STK3: variants seen among roughly 807,000 people sequenced by gnomAD.
STK3 encodes serine/threonine kinase 3.
In STK3, 41 loss-of-function variants were observed where a neutral mutation model predicts 58.0. The observed-to-expected ratio is 0.71, with a 90% CI of 0.55 to 0.92. The LOEUF (loss-of-function observed/expected upper bound fraction) is 0.92, where lower values mean the gene tolerates loss of function less well. STK3 is among the 40% of genes least tolerant of loss of function. The pLI is 0.00. For synonymous variants in STK3, 170 were observed against 191.0 expected (o/e 0.89, Z 0.91); for missense variants, 479 against 602.7 (o/e 0.79, Z 2.15).
rs145488141 is a variant in STK3 at position 98,569,181 on chromosome 8, C to CCAAT, written c.948+10479_948+10482dup. On this transcript the variant is annotated intron_variant, in intron 8 of 10. Coordinates refer to ENST00000419617, the MANE Select transcript of STK3 (RefSeq NM_006281.4). ...TTATTTTCAATCCAAAATTTTACACCCAATCAATCAATCAATCAATTAAGG... is the reference window on the plus strand; with the variant it reads ...TTATTTTCAATCCAAAATTTTACACCCAATCAATCAATCAATCAATCAATTAAGG... 1.5e-4 allele frequency among the ~76,000 whole-genome samples: 23 copies of CCAAT among 151,610 alleles called. No individual in the cohort carries two copies. In the East Asian group the frequency reaches 2.9e-3, roughly 19 times the overall value.
At chr8:98,509,861 T>C (rs1824369092) in intron 10 of STK3, among the ~76,000 whole-genome samples, 1 of 152,026 alleles carries the variant, frequency 6.6e-6, no homozygotes, top group Non-Finnish European at 1.5e-5. Flanking sequence ...AATCTAATAC[T>C]TTTCTAAAAC....
At chr8:98,714,461 A>C (rs1204298639) in intron 4 of STK3, among the ~76,000 whole-genome samples, 1 of 152,206 alleles carries the variant, frequency 6.6e-6, no homozygotes, top group Non-Finnish European at 1.5e-5. Flanking sequence ...AATGTGCAAA[A>C]ATCATAAGCA....
intron 4 of STK3, among the ~76,000 whole-genome samples, chr8:98,734,932 A>T (rs1414221043): frequency 6.6e-6 from 1 of 152,162 alleles, no homozygotes; most frequent in Non-Finnish European, 1.5e-5. Context: ...ACACATTTTT[A>T]AAATTAAGCA....
chr8:98,612,095 T>C (rs1817243838), intron 6 of STK3, among the ~76,000 whole-genome samples: 1 of 149,764 alleles, frequency 6.7e-6, no homozygotes, highest in Non-Finnish European at 1.5e-5. Context: ...TATGTGTATG[T>C]ATGTCACTAT....
chr8:98,670,571 G>A (rs1822752095), intron 6 of STK3, among the ~76,000 whole-genome samples: 1 of 152,180 alleles, frequency 6.6e-6, no homozygotes, highest in Non-Finnish European at 1.5e-5. Flanking sequence ...CCACCTTCAA[G>A]TCAAAAACAG....
chr8:98,347,371 C>T, the STK3 span, among the ~76,000 whole-genome samples: 8 of 151,616 alleles, frequency 5.3e-5, no homozygotes, highest in African/African-American at 1.9e-4. Context: ...AAAAATTAGC[C>T]GGGCGTGATG....
intron 3 of STK3, among the ~76,000 whole-genome samples, chr8:98,754,076 G>A (rs573322897): frequency 3.9e-5 from 6 of 152,216 alleles, no homozygotes; most frequent in African/African-American, 7.2e-5. Context: ...CTTGTTACCC[G>A]TATCTCTGAT....
intron 3 of STK3, among the ~76,000 whole-genome samples, chr8:98,864,225 G>C (rs79469305): frequency 9.2e-6 from 1 of 109,122 alleles, no homozygotes; most frequent in South Asian, 2.9e-4. Context: ...AAAAAAAAAA[G>C]TCTCAATCAG....
intron 4 of STK3, among the ~76,000 whole-genome samples, chr8:98,735,669 T>C (rs1422276544): frequency 6.6e-6 from 1 of 152,182 alleles, no homozygotes; most frequent in Non-Finnish European, 1.5e-5. Context: ...CTAATTCTAG[T>C]ACCACTACCA....
chr8:98,743,604 A>C (rs1829406583), intron 4 of STK3, among the ~76,000 whole-genome samples: 1 of 152,226 alleles, frequency 6.6e-6, no homozygotes, highest in Non-Finnish European at 1.5e-5. Context: ...TTAAAGACTT[A>C]AACGTTAGAC....
chr8:98,909,123 T>C (rs1018098378), intron 1 of STK3, among the ~76,000 whole-genome samples: 7 of 152,192 alleles, frequency 4.6e-5, no homozygotes, highest in Admixed American at 2.6e-4. Context: ...ATCACGCCAC[T>C]GCACTCTAGC....
intron 10 of STK3, among the ~76,000 whole-genome samples, chr8:98,511,755 C>T (rs1824533506): frequency 1.3e-5 from 2 of 152,068 alleles, no homozygotes; most frequent in South Asian, 4.2e-4. Flanking sequence ...AAAAATATTT[C>T]GCCTCTCCTC....
chr8:98,912,600 A>T (rs55939044), intron 1 of STK3, among the ~76,000 whole-genome samples: 1 of 152,094 alleles, frequency 6.6e-6, no homozygotes, highest in Admixed American at 6.6e-5. Flanking sequence ...ACTAAAAAAC[A>T]TACTCTCTGC....
intron 3 of STK3, among the ~76,000 whole-genome samples, chr8:98,424,014 G>T (rs981092767): frequency 2.0e-5 from 3 of 152,260 alleles, no homozygotes; most frequent in African/African-American, 7.2e-5. Flanking sequence ...AGCAGTGGCT[G>T]TATTTTAAGA....
intron 1 of STK3, chr8:98,921,202 A>G (rs1182934683): frequency 1.3e-5 from 2 of 151,894 alleles, no homozygotes; most frequent in African/African-American, 4.8e-5. Flanking sequence ...CTTCAAGGGA[A>G]GGAGTTGTGT....
At position 98,706,459 on chromosome 8, in the gene STK3, T is replaced by A. The variant is rs1825968770; in HGVS notation, c.684+8A>T. On this transcript the variant is annotated splice_region_variant and intron_variant, in intron 6 of 10. Transcript: ENST00000419617. ...GCTAACATTTTCAGCAAACCATAATTTTCTTACCCTCATTGGATGTATATC... is the reference window on the plus strand; with the variant it reads ...GCTAACATTTTCAGCAAACCATAATATTCTTACCCTCATTGGATGTATATC... The A allele has an allele frequency of 3.1e-6, 5 of 1,599,098 alleles. No individual in the cohort carries two copies. In the East Asian group the frequency reaches 9.0e-5, roughly 29 times the overall value.
downstream of STK3, among the ~76,000 whole-genome samples, chr8:98,370,644 A>G (rs1322005824): frequency 2.0e-5 from 3 of 152,148 alleles, no homozygotes; most frequent in African/African-American, 4.8e-5. Flanking sequence ...CAGCCTTCTG[A>G]GCTGGACTCA....
intron 6 of STK3, among the ~76,000 whole-genome samples, chr8:98,629,064 GAC>G (rs1470770892): frequency 6.6e-6 from 1 of 152,082 alleles, no homozygotes; most frequent in Non-Finnish European, 1.5e-5. Flanking sequence ...TGGATTTTTA[GAC>G]ACAGATTATA....
chr8:98,540,724 C>T (rs1810179481), intron 9 of STK3, among the ~76,000 whole-genome samples: 1 of 151,992 alleles, frequency 6.6e-6, no homozygotes, highest in African/African-American at 2.4e-5. Context: ...GGCTAGAGAG[C>T]TGAACACCAC....
Sources: gnomAD v4.1 joint callset for allele counts (sites outside exome capture counted in the v4.1 genomes callset) on GRCh38, gnomAD v4.1.1 for gene constraint, MANE v1.5 for transcripts, NCBI Gene and HGNC (gene_info 2026-07-23, HGNC 2026-07-21) for gene names.